The following KLF12 variants were observed in gnomAD, a reference collection of about 807,000 sequenced individuals.
The protein encoded by KLF12 is KLF transcription factor 12, also known as Krueppel-like factor 12.
In KLF12, 9 loss-of-function variants were observed where a neutral mutation model predicts 37.8. The observed-to-expected ratio is 0.24, with a 90% CI of 0.14 to 0.42. KLF12 has a LOEUF of 0.42. Ranked by LOEUF, KLF12 falls within the 10% of genes least tolerant of loss-of-function variation. KLF12 has a pLI of 1.00. For synonymous variants in KLF12, 208 were observed against 202.1 expected (o/e 1.03, Z -0.25); for missense variants, 411 against 516.0 (o/e 0.80, Z 1.97).
chr13:73,862,662 C>T (rs150677332), intron 3 of KLF12, among the ~76,000 whole-genome samples: 2,123 of 152,232 alleles, frequency 0.014, 26 homozygotes, highest in Admixed American at 0.024. Flanking sequence ...ATTTCAACAA[C>T]ATATCTTAGC....
At chr13:74,261,694 C>G in the KLF12 span, among the ~76,000 whole-genome samples, 4 of 152,118 alleles carry the variant, frequency 2.6e-5, no homozygotes, top group African/African-American at 9.7e-5. Flanking sequence ...TATGTATACA[C>G]AAATATTAAT....
the KLF12 span, among the ~76,000 whole-genome samples, chr13:74,152,927 AAT>A: frequency 5.8e-5 from 8 of 138,446 alleles, no homozygotes; most frequent in South Asian, 2.4e-4. Context: ...TAATAATAAT[AAT>A]AAAAACAGAG....
chr13:73,963,851 T>C (rs12874111), intron 2 of KLF12, among the ~76,000 whole-genome samples: 7 of 152,236 alleles, frequency 4.6e-5, no homozygotes, highest in Non-Finnish European at 1.0e-4. Flanking sequence ...AGAAATCATG[T>C]ACAGCTTGGA....
rs532630817 is a variant in KLF12, at chr13:74,026,896, T to TA, written c.-31-31844dup. Among the ~76,000 whole-genome samples, 7 of 152,304 alleles carry TA rather than the reference T, an allele frequency of 4.6e-5. No homozygotes were observed. The East Asian group carries it at 9.7e-4, about 21-fold the overall frequency. On this transcript the variant is annotated intron_variant, in intron 1 of 7. Coordinates refer to ENST00000377669, the MANE Select transcript of KLF12 (RefSeq NM_007249.5). ...CCCACGGTGAAGTCAGGTGCCCTGA[T>TA]ACAGCTTTTCAGGTCTTTTCCTGTG...
intron 4 of KLF12, among the ~76,000 whole-genome samples, chr13:73,835,679 C>A (rs1012466233): frequency 6.6e-6 from 1 of 152,054 alleles, no homozygotes; most frequent in African/African-American, 2.4e-5. Flanking sequence ...GTAAGAAATA[C>A]GTATTTCAGC....
At chr13:73,795,483 T>A (rs1213109884) in intron 5 of KLF12, among the ~76,000 whole-genome samples, 2 of 152,214 alleles carry the variant, frequency 1.3e-5, no homozygotes, top group Non-Finnish European at 2.9e-5. Context: ...GTATGAGAAT[T>A]TCCTTCTGGT....
intron 2 of KLF12, among the ~76,000 whole-genome samples, chr13:73,961,431 A>C (rs547802519): frequency 1.3e-5 from 2 of 152,314 alleles, no homozygotes; most frequent in East Asian, 3.9e-4. Flanking sequence ...AGGCAAATAC[A>C]GTCCCGAAAT....
At chr13:74,242,354 G>A in the KLF12 span, among the ~76,000 whole-genome samples, 9,415 of 152,298 alleles carry the variant, frequency 0.062, 425 homozygotes, top group Non-Finnish European at 0.096. Context: ...CCTCACAATC[G>A]TGGTGGAAGG....
chr13:74,193,402 A>C, the KLF12 span, among the ~76,000 whole-genome samples: 1 of 152,324 alleles, frequency 6.6e-6, no homozygotes, highest in Non-Finnish European at 1.5e-5. Context: ...TTTCTTTACA[A>C]ATGAGAACCA....
intron 5 of KLF12, chr13:73,799,949 T>A (rs1176281191): frequency 6.6e-6 from 1 of 152,160 alleles, no homozygotes; most frequent in Non-Finnish European, 1.5e-5. Context: ...AAAGATTTTA[T>A]TTCCAATTAT....
intron 3 of KLF12, among the ~76,000 whole-genome samples, chr13:73,875,848 GT>G (rs1244060158): frequency 2.0e-5 from 3 of 152,020 alleles, no homozygotes; most frequent in Non-Finnish European, 4.4e-5. Context: ...ATTGTTTTCT[GT>G]GCTAAAATCT....
chr13:74,014,323 A>C (rs757334668), intron 1 of KLF12, among the ~76,000 whole-genome samples: 10 of 152,206 alleles, frequency 6.6e-5, no homozygotes, highest in Non-Finnish European at 1.2e-4. Context: ...TCTTCTTCCT[A>C]TGTCCTGCGT....
In KLF12 at chr13:73,692,845, T is replaced by A. The variant is rs1722706023; in HGVS notation, c.*2645A>T. On this transcript the variant is annotated 3_prime_UTR_variant, in exon 8 of 8. Coordinates refer to ENST00000377669, the MANE Select transcript of KLF12 (RefSeq NM_007249.5). ...GAAAATGATGGAATGCTGACAGGTT[T>A]TATCAGTTAACTTACCATCTCAGTC... 6.6e-6 allele frequency: 1 copy of A among 152,588 alleles called. No homozygotes were observed. The highest frequency in any genetic ancestry group is 2.4e-5 in the African/African-American group (1 of 41,430). The allele number at this position is 152,588 out of a possible 1,614,324, so 9.5% of individuals were successfully genotyped here. A position where few individuals can be genotyped will look rare whatever the true frequency, so the allele number is the denominator to read the frequency against.
chr13:74,041,839 G>T lies in KLF12; in HGVS notation c.-31-46786C>A, dbSNP rs142995346. The stretch of plus-strand genomic sequence containing the variant: ...CTAATATTTCCTCTACTACATTATT[G>T]TGTGAAGGTATTCAAGCTATATAAA... On this transcript the variant is annotated intron_variant, in intron 1 of 7. Coordinates refer to ENST00000377669, the MANE Select transcript of KLF12 (RefSeq NM_007249.5). 1.3e-3 allele frequency among the ~76,000 whole-genome samples: 202 copies of T among 152,112 alleles called. 1 individual carries two copies. Among genetic ancestry groups the T allele is most frequent in the African/African-American group, 4.4e-3 (182 of 41,484 alleles).
At chr13:73,846,470 A>C in intron 3 of KLF12, 97 bp from the exon 4 acceptor site, 1 of 1,079,588 alleles carries the variant, frequency 9.3e-7, no homozygotes, top group Non-Finnish European at 1.3e-6. Flanking sequence ...TTTTTCTCTT[A>C]TTGCTATGGG....
the KLF12 span, among the ~76,000 whole-genome samples, chr13:74,176,070 T>G: frequency 6.6e-6 from 1 of 152,200 alleles, no homozygotes; most frequent in African/African-American, 2.4e-5. Context: ...CACAGAGGAC[T>G]CATTACAACT....
the KLF12 span, among the ~76,000 whole-genome samples, chr13:74,170,049 C>T: frequency 2.0e-5 from 3 of 152,098 alleles, no homozygotes; most frequent in Non-Finnish European, 4.4e-5. Flanking sequence ...CATCCTTATA[C>T]AGCACATAAT....
chr13:74,264,568 C>A, the KLF12 span, among the ~76,000 whole-genome samples: 1 of 152,230 alleles, frequency 6.6e-6, no homozygotes, highest in Non-Finnish European at 1.5e-5. Flanking sequence ...GCTTCCTTAG[C>A]CAGTTGGTGC....
chr13:74,237,862 A>G, the KLF12 span, among the ~76,000 whole-genome samples: 3 of 152,188 alleles, frequency 2.0e-5, no homozygotes, highest in Non-Finnish European at 4.4e-5. Flanking sequence ...GGTTTTCTAG[A>G]TATACAATCA....
Sources: gnomAD v4.1 joint callset for allele counts (sites outside exome capture counted in the v4.1 genomes callset) on GRCh38, gnomAD v4.1.1 for gene constraint, MANE v1.5 for transcripts, NCBI Gene and HGNC (gene_info 2026-07-23, HGNC 2026-07-21) for gene names.